Variants in KMT2C observed in about 807,000 individuals in gnomAD.
KMT2C encodes the protein lysine methyltransferase 2C.
A neutral mutation model predicts 507.9 loss-of-function variants in KMT2C; 88 were observed. The observed-to-expected ratio is 0.17, with a 90% CI of 0.15 to 0.21. The LOEUF is 0.21. KMT2C is among the 10% of genes least tolerant of loss of function. KMT2C has a pLI of 1.00. For missense variants in KMT2C, 4,954 were observed against 5,957.8 expected (o/e 0.83, Z 5.55); for synonymous variants, 2,049 against 2,080.8 (o/e 0.98, Z 0.42).
chr7:152,297,594 A>G (rs2096528382), intron 6 of KMT2C, among the ~76,000 whole-genome samples: 1 of 152,220 alleles, frequency 6.6e-6, no homozygotes, highest in Non-Finnish European at 1.5e-5. Flanking sequence ...GTCCACAGAA[A>G]GTCTTGCCTC....
At position 152,250,940 on chromosome 7, in the gene KMT2C, C is replaced by T; in HGVS notation, c.1648G>A (p.Gly550Ser). The T allele has an allele frequency of 1.9e-6, 3 of 1,601,624 alleles. No homozygotes were observed. Among genetic ancestry groups the T allele is most frequent in the Non-Finnish European group, 2.6e-6 (3 of 1,168,918 alleles). Residue 550 changes from glycine to serine, a missense_variant, in exon 12 of 59, where the codon GGC becomes AGC. Physicochemically the swap from Gly to Ser is moderately conservative, Grantham distance 56 (BLOSUM62 0). Transcript: ENST00000262189. ...GAGAATACCATTTGATCTTCAGGGC[C>T]TTCAACTTCCATTTCATTGTTATAA... ...TDYNNEMEVEGPEDQMVFSEQ... is the reference protein window; with the variant it reads ...TDYNNEMEVESPEDQMVFSEQ...
chr7:152,353,402 A>C (rs2129227483), intron 2 of KMT2C, among the ~76,000 whole-genome samples: 1 of 152,224 alleles, frequency 6.6e-6, no homozygotes, highest in East Asian at 1.9e-4. Context: ...CTTAACATAA[A>C]ATATTACCAA....
chr7:152,358,542 G>C (rs762066437), intron 2 of KMT2C, 45 bp downstream of exon 2: 2 of 1,200,506 alleles, frequency 1.7e-6, no homozygotes, highest in East Asian at 4.7e-5. Context: ...ACAAACATAT[G>C]CAAAGCATCA....
In KMT2C at chr7:152,199,304, C is replaced by T. The variant is rs200269228; in HGVS notation, c.4248G>A (p.Ser1416=). ...PSLDPLLSSS[S]APTKSGTHGP... is the part of the protein sequence containing the mutation. ...CGTGAGTTCCAGATTTTGTTGGAGC[C>T]GAGGATGAACTAAGTAGTGGATCTA... is the stretch of plus-strand genomic sequence containing the variant. The change falls in exon 27 of 59, where the codon TCG becomes TCA. Residue 1416 remains serine (S), a synonymous_variant. Coordinates refer to ENST00000262189, the MANE Select transcript of KMT2C (RefSeq NM_170606.3). 16 of 1,594,290 alleles carry T rather than the reference C, an allele frequency of 1.0e-5. No homozygotes were observed. The highest frequency in any genetic ancestry group is 9.5e-5 in the African/African-American group (7 of 73,500).
chr7:152,204,654 AATAG>A (rs1465081402), intron 25 of KMT2C, among the ~76,000 whole-genome samples: 2 of 150,488 alleles, frequency 1.3e-5, no homozygotes, highest in African/African-American at 5.0e-5. Flanking sequence ...CAGATACATA[AATAG>A]ATAAAAACTG....
At chr7:152,419,300 G>A (rs376108922) in intron 1 of KMT2C, among the ~76,000 whole-genome samples, 16 of 152,130 alleles carry the variant, frequency 1.1e-4, no homozygotes, top group East Asian at 9.7e-4. Flanking sequence ...GCAGTGAGCC[G>A]AGATCATGCC....
At chr7:152,279,379 T>A (rs2096156810) in intron 6 of KMT2C, among the ~76,000 whole-genome samples, 1 of 152,136 alleles carries the variant, frequency 6.6e-6, no homozygotes, top group South Asian at 2.1e-4. Flanking sequence ...AAATAAATAA[T>A]GCCCAATTCA....
At position 152,170,359 on chromosome 7, in the gene KMT2C, A is replaced by AC. The variant is rs541860062; in HGVS notation, c.9453+904_9453+905insG. The stretch of plus-strand genomic sequence containing the variant: ...TACATTATAGTAGGTAGCTCCCTTT[A>AC]TAAAAAAAAAATCACTGACAAAAAT... On this transcript the variant is annotated intron_variant, in intron 40 of 58. Coordinates refer to ENST00000262189, the MANE Select transcript of KMT2C (RefSeq NM_170606.3). 2.0e-3 allele frequency among the ~76,000 whole-genome samples: 290 copies of AC among 145,400 alleles called. 1 individual carries two copies. Among genetic ancestry groups the AC allele is most frequent in the African/African-American group, 7.9e-3 (280 of 35,334 alleles).
intron 3 of KMT2C, among the ~76,000 whole-genome samples, chr7:152,330,169 T>TGGG (rs376494504): frequency 7.8e-4 from 32 of 40,954 alleles, no homozygotes; most frequent in South Asian, 1.6e-3. Flanking sequence ...GGAGGGGTGG[T>TGGG]GGGGGGGGGG....
At chr7:152,309,159 G>A (rs920828802) in intron 6 of KMT2C, among the ~76,000 whole-genome samples, 1 of 151,890 alleles carries the variant, frequency 6.6e-6, no homozygotes, top group South Asian at 2.1e-4. Context: ...TTATCAAATA[G>A]TTTTGTCTTA....
At chr7:152,228,599 T>TA (rs1439950372) in intron 18 of KMT2C, among the ~76,000 whole-genome samples, 2 of 152,222 alleles carry the variant, frequency 1.3e-5, no homozygotes, top group East Asian at 3.8e-4. Context: ...TGTCCAATCT[T>TA]AACTTATGTA....
At chr7:152,356,362 A>G (rs7812203) in intron 2 of KMT2C, among the ~76,000 whole-genome samples, 21,113 of 151,730 alleles carry the variant, frequency 0.14, 3,878 homozygotes, top group African/African-American at 0.42. Context: ...ATCACGTGAG[A>G]TCAGGAGTTC....
At chr7:152,355,566 C>A (rs1019390956) in intron 2 of KMT2C, among the ~76,000 whole-genome samples, 13 of 150,054 alleles carry the variant, frequency 8.7e-5, no homozygotes, top group Admixed American at 6.0e-4. Context: ...AACAAACAAA[C>A]AAACAAAAAA....
rs887515861 is a variant in KMT2C, at chr7:152,147,725, A to G, written c.13894+308T>C. Among the ~76,000 whole-genome samples, 21 of 134,266 alleles carry G rather than the reference A, an allele frequency of 1.6e-4. No homozygotes were observed. In the East Asian group the frequency reaches 3.7e-3, roughly 23 times the overall value. The allele number at this position is 134,266 out of a possible 152,430, so 88.1% of individuals were successfully genotyped here. Reference sequence around the variant, plus strand: ...TCCGTCTCAAAAAAAAAAAAAAAAAAAAAGAAAAAGAAAAAGAAAAAGGAG... The same window carrying G: ...TCCGTCTCAAAAAAAAAAAAAAAAAGAAAGAAAAAGAAAAAGAAAAAGGAG... On this transcript the variant is annotated intron_variant, in intron 52 of 58. Coordinates refer to ENST00000262189, the MANE Select transcript of KMT2C (RefSeq NM_170606.3).
intron 9 of KMT2C, among the ~76,000 whole-genome samples, chr7:152,255,157 A>ATATATATATATACATATATATATATG (rs767823858): frequency 7.8e-6 from 1 of 128,374 alleles, no homozygotes; most frequent in Non-Finnish European, 1.6e-5. Flanking sequence ...ATATATATAT[A>ATATATATATATACATATATATATATG]TGTGTGTGTG....
chr7:152,366,897 G>C (rs1309578215), intron 1 of KMT2C: 5 of 411,346 alleles, frequency 1.2e-5, no homozygotes, highest in Non-Finnish European at 2.2e-5. Context: ...GACGCGGCGC[G>C]AGCTGGCGCT....
intron 1 of KMT2C, among the ~76,000 whole-genome samples, chr7:152,435,272 T>G (rs1362079560): frequency 6.6e-6 from 1 of 151,732 alleles, no homozygotes; most frequent in African/African-American, 2.4e-5. Context: ...CTGGGCGCGC[T>G]CCGGGCTTGT....
chr7:152,352,519 C>T (rs915986579), intron 2 of KMT2C, among the ~76,000 whole-genome samples: 1 of 152,154 alleles, frequency 6.6e-6, no homozygotes, highest in African/African-American at 2.4e-5. Context: ...TGGGGCATCA[C>T]GGAACCTACC....
intron 26 of KMT2C, among the ~76,000 whole-genome samples, chr7:152,201,617 GAAA>G (rs745427209): frequency 1.7e-4 from 4 of 22,874 alleles, no homozygotes; most frequent in East Asian, 6.6e-4. Flanking sequence ...CAACAAAGAT[GAAA>G]AAAAAAAAAA....
Sources: gnomAD v4.1 joint callset for allele counts (sites outside exome capture counted in the v4.1 genomes callset) on GRCh38, gnomAD v4.1.1 for gene constraint, MANE v1.5 for transcripts, NCBI Gene and HGNC (gene_info 2026-07-23, HGNC 2026-07-21) for gene names.